Variants in SGMS2 observed in about 807,000 individuals in gnomAD.
The protein encoded by SGMS2 is sphingomyelin synthase 2, also known as phosphatidylcholine:ceramide cholinephosphotransferase 2.
A neutral mutation model predicts 43.8 loss-of-function variants in SGMS2; 21 were observed. That is an observed-to-expected ratio of 0.48 (90% CI 0.34 to 0.69). The LOEUF (loss-of-function observed/expected upper bound fraction) is 0.69, where lower values mean the gene tolerates loss of function less well. Ranked by LOEUF, SGMS2 falls within the 30% of genes least tolerant of loss-of-function variation. The pLI, the probability that SGMS2 is intolerant of heterozygous loss-of-function variation, is 0.01. For synonymous variants in SGMS2, 167 were observed against 160.6 expected (o/e 1.04, Z -0.30); for missense variants, 384 against 443.2 (o/e 0.87, Z 1.20).
intron 1 of SGMS2, among the ~76,000 whole-genome samples, chr4:107,852,746 A>ATTTTTTTTTTTTTTTTTT (rs56359938): frequency 6.8e-6 from 1 of 146,662 alleles, no homozygotes; most frequent in Admixed American, 6.8e-5. Flanking sequence ...CTTGTTTCTC[A>ATTTTTTTTTTTTTTTTTT]TTTTTTTTTT....
At chr4:107,896,778 A>C (rs1180120348) in intron 3 of SGMS2, among the ~76,000 whole-genome samples, 1 of 152,162 alleles carries the variant, frequency 6.6e-6, no homozygotes, top group African/African-American at 2.4e-5. Flanking sequence ...ATAGCCCTGA[A>C]GTGGTTATTT....
intron 1 of SGMS2, among the ~76,000 whole-genome samples, chr4:107,855,520 G>A (rs184297869): frequency 2.9e-4 from 44 of 152,088 alleles, no homozygotes; most frequent in Middle Eastern, 3.4e-3. Flanking sequence ...TTGATTTTTC[G>A]TTTTATTCCA....
chr4:107,892,837 T>C (rs1730344093), intron 2 of SGMS2, among the ~76,000 whole-genome samples: 1 of 152,180 alleles, frequency 6.6e-6, no homozygotes, highest in Non-Finnish European at 1.5e-5. Context: ...AGGTTTGCCC[T>C]AAGCAGTTCC....
chr4:107,866,262 C>T (rs1357169346), intron 2 of SGMS2, among the ~76,000 whole-genome samples: 1 of 151,986 alleles, frequency 6.6e-6, no homozygotes, highest in Admixed American at 6.6e-5. Flanking sequence ...AATAAAAATA[C>T]CAAGTTAAAA....
chr4:107,906,198 A>AT (rs1448823834), intron 5 of SGMS2, among the ~76,000 whole-genome samples: 7 of 152,110 alleles, frequency 4.6e-5, no homozygotes, highest in Middle Eastern at 6.8e-3. Context: ...TTATATATAT[A>AT]TTTTTTTACT....
chr4:107,870,871 A>G (rs988017215), intron 2 of SGMS2, among the ~76,000 whole-genome samples: 26 of 152,196 alleles, frequency 1.7e-4, no homozygotes, highest in Admixed American at 1.4e-3. Flanking sequence ...GTGATTATTT[A>G]TAGGCAAGCA....
chr4:107,886,871 CTG>C (rs1257851393), intron 2 of SGMS2: 4 of 151,876 alleles, frequency 2.6e-5, no homozygotes, highest in African/African-American at 9.7e-5. Flanking sequence ...ACGCAAATAA[CTG>C]TATTGCTGTA....
chr4:107,865,344 TC>T lies in SGMS2; in HGVS notation c.-245+6792del, dbSNP rs1728039304. Among the ~76,000 whole-genome samples, 4 of 152,322 alleles carry T rather than the reference TC, an allele frequency of 2.6e-5. 1 individual carries two copies. The highest frequency in any genetic ancestry group is 4.1e-4 in the South Asian group (2 of 4,834). ...TCATCTAGCTTAATACTGTAAATTG[TC>T]TACCTTTAAACATTAATGCTAATGG... On this transcript the variant is annotated intron_variant, in intron 2 of 6. Transcript: ENST00000690982.
chr4:107,866,566 CA>C lies in SGMS2; in HGVS notation c.-245+8022del, dbSNP rs35182175. Among the ~76,000 whole-genome samples the C allele has an allele frequency of 6.8e-5, 9 of 132,078 alleles. No individual in the cohort carries two copies. In the East Asian group the frequency reaches 1.8e-3, roughly 26 times the overall value. The allele number at this position is 132,078 out of a possible 152,430, so 86.6% of individuals were successfully genotyped here. A position where few individuals can be genotyped will look rare whatever the true frequency, so the allele number is the denominator to read the frequency against. ...GGGTGACAAGAGTGAAGCTCTGTCTCAAAAAAAAACCAAAAACAAAAAAAAA... is the reference window on the plus strand; with the variant it reads ...GGGTGACAAGAGTGAAGCTCTGTCTCAAAAAAAACCAAAAACAAAAAAAAA... On this transcript the variant is annotated intron_variant, in intron 2 of 6. Coordinates refer to ENST00000690982, the MANE Select transcript of SGMS2 (RefSeq NM_001375905.1).
intron 1 of SGMS2, among the ~76,000 whole-genome samples, chr4:107,837,061 A>C (rs1726226403): frequency 6.6e-6 from 1 of 152,234 alleles, no homozygotes; most frequent in African/African-American, 2.4e-5. Flanking sequence ...GCTGAGATGC[A>C]GTCCCAAGCC....
chr4:107,851,616 G>C (rs1560637939), intron 1 of SGMS2, among the ~76,000 whole-genome samples: 1 of 152,140 alleles, frequency 6.6e-6, no homozygotes, highest in Non-Finnish European at 1.5e-5. Context: ...TAACACTTCT[G>C]TATATCCTGA....
chr4:107,908,885 GA>G (rs1316423261), intron 6 of SGMS2, among the ~76,000 whole-genome samples, 154 bp downstream of exon 6: 3 of 151,998 alleles, frequency 2.0e-5, no homozygotes, highest in Non-Finnish European at 4.4e-5. Flanking sequence ...ATAAAGCAAA[GA>G]ACTTCACAAA....
At chr4:107,902,341 A>AT (rs536435572) in intron 4 of SGMS2, among the ~76,000 whole-genome samples, 13 of 149,002 alleles carry the variant, frequency 8.7e-5, no homozygotes, top group Admixed American at 2.0e-4. Flanking sequence ...CTATTACATG[A>AT]TTTTTTTTTC....
intron 1 of SGMS2, among the ~76,000 whole-genome samples, chr4:107,844,674 C>T (rs747838276): frequency 6.6e-6 from 1 of 152,130 alleles, no homozygotes; most frequent in Non-Finnish European, 1.5e-5. Context: ...CCACCGCTCT[C>T]CAGCCTGAGC....
At chr4:107,893,457 T>C (rs1403400380) in intron 2 of SGMS2, 1 of 152,252 alleles carries the variant, frequency 6.6e-6, no homozygotes, top group Non-Finnish European at 1.5e-5. Flanking sequence ...CCGTTAGAAG[T>C]AGCAGTTCAT....
chr4:107,879,505 A>G (rs1729184706), intron 2 of SGMS2, among the ~76,000 whole-genome samples: 1 of 150,200 alleles, frequency 6.7e-6, no homozygotes. Flanking sequence ...TCTGTTGCCC[A>G]GGCTAGAGTG....
chr4:107,880,768 C>T (rs1489482916), intron 2 of SGMS2, among the ~76,000 whole-genome samples: 2 of 150,698 alleles, frequency 1.3e-5, no homozygotes, highest in African/African-American at 4.9e-5. Flanking sequence ...GCATGAAGAT[C>T]GCTTGAACCT....
intron 5 of SGMS2, chr4:107,908,229 G>T: frequency 5.3e-6 from 1 of 187,232 alleles, no homozygotes; most frequent in Non-Finnish European, 1.1e-5. Flanking sequence ...GCTCCTTTAT[G>T]TGAGCCAGTA....
At chr4:107,869,309 T>C (rs979283633) in intron 2 of SGMS2, among the ~76,000 whole-genome samples, 4 of 152,172 alleles carry the variant, frequency 2.6e-5, no homozygotes, top group Admixed American at 1.3e-4. Context: ...GCCAAGTGTG[T>C]AAGCAAGTCG....
Sources: gnomAD v4.1 joint callset for allele counts (sites outside exome capture counted in the v4.1 genomes callset) on GRCh38, gnomAD v4.1.1 for gene constraint, MANE v1.5 for transcripts, NCBI Gene and HGNC (gene_info 2026-07-23, HGNC 2026-07-21) for gene names.